The following CA10 variants were observed in gnomAD, a reference collection of about 807,000 sequenced individuals.
CA10 encodes carbonic anhydrase 10 (inactive).
Under a neutral mutation model 44.2 loss-of-function variants are expected in CA10, and 14 were observed. The ratio of observed to expected loss-of-function variants is 0.32; its 90% CI spans 0.21 to 0.50. The LOEUF is 0.50. CA10 is among the 20% of genes least tolerant of loss of function. CA10 has a pLI of 0.99. For missense variants in CA10, 350 were observed against 409.7 expected, an observed-to-expected ratio of 0.85 and a Z score of 1.26; for synonymous variants, 159 against 141.6, an observed-to-expected ratio of 1.12 and a Z score of -0.87.
At chr17:51,656,268 G>T (rs1913789319) in intron 4 of CA10, among the ~76,000 whole-genome samples, 1 of 152,218 alleles carries the variant, frequency 6.6e-6, no homozygotes, top group Admixed American at 6.5e-5. Flanking sequence ...TGTCCAGCTT[G>T]CAAGGCAGAA....
At position 51,717,721 on chromosome 17, in the gene CA10, A is replaced by G. The variant is rs1368544404; in HGVS notation, c.465+29912T>C. ...TGCATGTATATATACATATATACGTATATATACATATATACGTATATATAC... is the reference window on the plus strand; with the variant it reads ...TGCATGTATATATACATATATACGTGTATATACATATATACGTATATATAC... On this transcript the variant is annotated intron_variant, in intron 4 of 8. Transcript: ENST00000451037. 1.7e-3 allele frequency among the ~76,000 whole-genome samples: 97 copies of G among 56,716 alleles called. 10 individuals are homozygous for G. The highest frequency in any genetic ancestry group is 2.5e-3 in the Non-Finnish European group (68 of 26,820). The allele number at this position is 56,716 out of a possible 152,430, so 37.2% of individuals were successfully genotyped here. A position where few individuals can be genotyped will look rare whatever the true frequency, so the allele number is the denominator to read the frequency against.
chr17:51,636,330 A>G (rs1912825334), intron 6 of CA10, among the ~76,000 whole-genome samples: 1 of 152,168 alleles, frequency 6.6e-6, no homozygotes, highest in Admixed American at 6.5e-5. Context: ...AGAGCAGTAA[A>G]CACCTGGACC....
intron 3 of CA10, among the ~76,000 whole-genome samples, chr17:51,868,413 C>T (rs540020010): frequency 2.0e-5 from 3 of 152,084 alleles, no homozygotes; most frequent in Admixed American, 6.6e-5. Context: ...TTAAGCGTGC[C>T]GTCTCCTGCC....
intron 2 of CA10, among the ~76,000 whole-genome samples, chr17:51,938,522 T>G (rs534131925): frequency 6.6e-6 from 1 of 152,238 alleles, no homozygotes; most frequent in Non-Finnish European, 1.5e-5. Context: ...TAGGTCTCAA[T>G]GTCTGGATAA....
chr17:51,820,419 GC>G (rs749664426), intron 3 of CA10, among the ~76,000 whole-genome samples: 1,980 of 23,450 alleles, frequency 0.084, 78 homozygotes, highest in Non-Finnish European at 0.11. Context: ...CCCCCCCCCC[GC>G]CCGCCGATTT....
intron 3 of CA10, among the ~76,000 whole-genome samples, chr17:51,889,905 G>A (rs1980781209): frequency 6.6e-6 from 1 of 152,148 alleles, no homozygotes; most frequent in South Asian, 2.1e-4. Flanking sequence ...CATGCTTTGA[G>A]ACTTTCTGAC....
intron 1 of CA10, among the ~76,000 whole-genome samples, chr17:52,101,075 C>T (rs993073279): frequency 9.2e-5 from 14 of 152,150 alleles, no homozygotes; most frequent in African/African-American, 3.1e-4. Flanking sequence ...ATTCTAGTCT[C>T]GACAACCCTG....
chr17:52,123,922 T>TA (rs764090487), intron 1 of CA10, among the ~76,000 whole-genome samples: 2 of 152,104 alleles, frequency 1.3e-5, no homozygotes, highest in Non-Finnish European at 2.9e-5. Flanking sequence ...GGACCCTGTT[T>TA]AAAAAAAGCA....
At chr17:52,054,863 G>A (rs1386897725) in intron 2 of CA10, among the ~76,000 whole-genome samples, 1 of 152,040 alleles carries the variant, frequency 6.6e-6, no homozygotes, top group Non-Finnish European at 1.5e-5. Flanking sequence ...AGGGGTAACA[G>A]ATGGGAGAAG....
chr17:52,089,861 G>A (rs903223257), intron 1 of CA10, among the ~76,000 whole-genome samples: 4 of 151,974 alleles, frequency 2.6e-5, no homozygotes, highest in African/African-American at 9.7e-5. Flanking sequence ...TGAGAAGAAG[G>A]GAGAGATGGG....
At chr17:51,735,398 G>A (rs8082567) in intron 4 of CA10, among the ~76,000 whole-genome samples, 94,605 of 151,846 alleles carry the variant, frequency 0.62, 30,164 homozygotes, top group Admixed American at 0.72. Context: ...AGGGAGAGAG[G>A]GAAGCAAGCG....
intron 3 of CA10, among the ~76,000 whole-genome samples, chr17:51,814,023 A>G (rs1008694057): frequency 6.6e-6 from 1 of 152,174 alleles, no homozygotes; most frequent in South Asian, 2.1e-4. Flanking sequence ...CATTGCAGAG[A>G]GTGCTTTTCC....
chr17:51,977,701 A>C (rs1473980187), intron 2 of CA10, among the ~76,000 whole-genome samples: 1 of 152,108 alleles, frequency 6.6e-6, no homozygotes, highest in Non-Finnish European at 1.5e-5. Flanking sequence ...CAGTAAAGTA[A>C]TAAAAATAAA....
intron 3 of CA10, among the ~76,000 whole-genome samples, chr17:51,858,271 G>A (rs771311691): frequency 1.3e-5 from 2 of 152,136 alleles, no homozygotes; most frequent in Non-Finnish European, 2.9e-5. Flanking sequence ...GGTATTAAAA[G>A]CAGAAGCAAA....
intron 2 of CA10, among the ~76,000 whole-genome samples, chr17:51,955,262 T>C (rs1420092251): frequency 6.6e-6 from 1 of 151,754 alleles, no homozygotes; most frequent in African/African-American, 2.4e-5. Context: ...CTCTGAGAGG[T>C]TTCCTGATGG....
At chr17:51,916,737 A>G (rs189662324) in intron 3 of CA10, among the ~76,000 whole-genome samples, 7 of 152,280 alleles carry the variant, frequency 4.6e-5, no homozygotes, top group African/African-American at 1.7e-4. Context: ...AGGAATTAAG[A>G]TGAAAGTAAG....
chr17:51,866,542 T>C (rs1295925207), intron 3 of CA10, among the ~76,000 whole-genome samples: 3 of 152,236 alleles, frequency 2.0e-5, no homozygotes, highest in Admixed American at 2.0e-4. Context: ...CTTAAGCAAC[T>C]AGCTGATGCT....
At chr17:51,678,465 G>A (rs1435424926) in intron 4 of CA10, among the ~76,000 whole-genome samples, 7 of 152,314 alleles carry the variant, frequency 4.6e-5, no homozygotes, top group East Asian at 1.9e-4. Flanking sequence ...AAGCAAAGCC[G>A]TTTAAAAAAT....
intron 4 of CA10, among the ~76,000 whole-genome samples, chr17:51,680,100 GA>G (rs993034095): frequency 2.0e-5 from 3 of 151,048 alleles, no homozygotes; most frequent in Non-Finnish European, 4.4e-5. Context: ...CCCTTCACTG[GA>G]AAAAAAAATT....
Sources: gnomAD v4.1 joint callset for allele counts (sites outside exome capture counted in the v4.1 genomes callset) on GRCh38, gnomAD v4.1.1 for gene constraint, MANE v1.5 for transcripts, NCBI Gene and HGNC (gene_info 2026-07-23, HGNC 2026-07-21) for gene names.